The following UBIAD1 variants were observed in gnomAD, a reference collection of about 807,000 sequenced individuals.
The protein encoded by UBIAD1 is ubiA prenyltransferase domain-containing protein 1.
UBIAD1 carries 12 observed loss-of-function variants against 20.1 expected under a neutral mutation model. That is an observed-to-expected ratio of 0.60 (90% CI 0.38 to 0.97). UBIAD1 has a LOEUF of 0.97. UBIAD1 is among the 50% of genes least tolerant of loss of function. The pLI, the probability that UBIAD1 is intolerant of heterozygous loss-of-function variation, is 0.00. For missense variants in UBIAD1, 333 were observed against 419.5 expected (o/e 0.79, Z 1.80); for synonymous variants, 207 against 189.2 (o/e 1.09, Z -0.77).
chr1:11,273,428 G>A lies in UBIAD1; in HGVS notation c.-104G>A, dbSNP rs559993089. ...ACCAGCCCTGTCCTGGGGCGGAACC[G>A]AAGGAAGGTCGGGCCCTGCTGCCCC... On this transcript the variant is annotated 5_prime_UTR_variant, in exon 1 of 2. Transcript: ENST00000376810. The surrounding 1 kb of genome is among the most constrained non-coding windows in gnomAD (Gnocchi z 4.9). 1,248 of 1,463,946 alleles carry A rather than the reference G, an allele frequency of 8.5e-4. 2 individuals carry two copies. Among genetic ancestry groups the A allele is most frequent in the Non-Finnish European group, 1.1e-3 (1,198 of 1,063,558 alleles). The allele number at this position is 1,463,946 out of a possible 1,614,324, so 90.7% of individuals were successfully genotyped here.
In UBIAD1 at chr1:11,273,808, G is replaced by A. The variant is rs759234615; in HGVS notation, c.277G>A (p.Ala93Thr). ...GGTGGGTTGTGCCGTGGCTGTCCTG[G>A]CTGTGCACGGGGCCGGTAATTTGGT... is the stretch of plus-strand genomic sequence containing the variant. ...LLVGCAVAVL[A>T]VHGAGNLVNT... Residue 93 changes from alanine (A) to threonine (T), a missense_variant, in exon 1 of 2, where the codon GCT becomes ACT. Transcript: ENST00000376810. The surrounding 1 kb of genome is among the most constrained non-coding windows in gnomAD (Gnocchi z 4.9). 1.2e-5 allele frequency: 19 copies of A among 1,614,016 alleles called. No individual in the cohort carries two copies. The highest frequency in any genetic ancestry group is 1.0e-4 in the Admixed American group (6 of 59,992).
rs766752858 is a variant in UBIAD1 at position 11,285,629 on chromosome 1, AT to A, written c.530-11del. 1 of 1,613,990 alleles carries A rather than the reference AT, an allele frequency of 6.2e-7. No individual in the cohort carries two copies. The highest frequency in any genetic ancestry group is 2.2e-5 in the East Asian group (1 of 44,882). On this transcript the variant is annotated splice_polypyrimidine_tract_variant and intron_variant, in intron 1 of 1. Transcript: ENST00000376810. The surrounding 1 kb of genome is among the most constrained non-coding windows in gnomAD (Gnocchi z 4.4). ...CCTTGGTCTCACACCAACTCTCTGG[AT>A]TTTCTGGCCGCAGGAATTGGATTCA...
downstream of UBIAD1, among the ~76,000 whole-genome samples, chr1:11,290,882 G>C (rs1241267444): frequency 6.9e-6 from 1 of 145,484 alleles, no homozygotes; most frequent in Middle Eastern, 3.2e-3. Context: ...AGAATCTCTT[G>C]AACCCAGGAA....
chr1:11,297,894 C>A (rs1261241722), downstream of UBIAD1, among the ~76,000 whole-genome samples: 1 of 152,148 alleles, frequency 6.6e-6, no homozygotes, highest in Non-Finnish European at 1.5e-5. Flanking sequence ...GGGAAGAAAA[C>A]TGGAAAACAT....
At chr1:11,290,930 T>TGTTGG (rs1347226989), downstream of UBIAD1, among the ~76,000 whole-genome samples, 8,208 of 152,146 alleles carry the variant, frequency 0.054, 729 homozygotes, top group African/African-American at 0.19. Flanking sequence ...GCCACTGCAC[T>TGTTGG]CCAGCCTGGA....
chr1:11,290,533 AG>A, downstream of UBIAD1, among the ~76,000 whole-genome samples: 1 of 152,262 alleles, frequency 6.6e-6, no homozygotes, highest in East Asian at 1.9e-4. Context: ...CCCTACTCAA[AG>A]CATTTCCCTT....
At chr1:11,278,764 A>T in intron 1 of UBIAD1, 1 of 558,698 alleles carries the variant, frequency 1.8e-6, no homozygotes, top group Non-Finnish European at 3.2e-6. Context: ...CCACCATCCC[A>T]CTGGAGTTAT....
chr1:11,297,062 A>G (rs1386301642), downstream of UBIAD1, among the ~76,000 whole-genome samples: 2 of 152,238 alleles, frequency 1.3e-5, no homozygotes, highest in East Asian at 1.9e-4. Context: ...CCCAGAGCTT[A>G]TATGATAGTA....
chr1:11,292,772 G>C (rs1423006186), downstream of UBIAD1, among the ~76,000 whole-genome samples: 1 of 151,664 alleles, frequency 6.6e-6, no homozygotes, highest in African/African-American at 2.4e-5. Flanking sequence ...GCTCCTCTCT[G>C]AGCCCTGCGG....
chr1:11,289,111 G>C (rs548208393), downstream of UBIAD1, among the ~76,000 whole-genome samples: 1 of 152,336 alleles, frequency 6.6e-6, no homozygotes, highest in East Asian at 1.9e-4. Flanking sequence ...TATATCCTAT[G>C]AACAAGGCAG....
downstream of UBIAD1, among the ~76,000 whole-genome samples, chr1:11,289,194 A>C (rs1226403842): frequency 2.6e-5 from 4 of 152,206 alleles, no homozygotes; most frequent in Non-Finnish European, 5.9e-5. Flanking sequence ...GAGAGAGCTA[A>C]CTGATCAGCA....
At position 11,278,521 on chromosome 1, in the gene UBIAD1, C is replaced by T. The variant is rs1258624398; in HGVS notation, c.529+4461C>T. 15 of 637,906 alleles carry T rather than the reference C, an allele frequency of 2.4e-5. No individual in the cohort carries two copies. The East Asian group carries it at 2.5e-4, about 11-fold the overall frequency. The allele number at this position is 637,906 out of a possible 1,614,324, so 39.5% of individuals were successfully genotyped here. Reference sequence around the variant, plus strand: ...TACCAGCCGGAGTTCTTTTATTTAACGTGTGGGTATTTTGCATTGTGATAT... The same window carrying T: ...TACCAGCCGGAGTTCTTTTATTTAATGTGTGGGTATTTTGCATTGTGATAT... On this transcript the variant is annotated intron_variant, in intron 1 of 1. Coordinates refer to ENST00000376810, the MANE Select transcript of UBIAD1 (RefSeq NM_013319.3).
chr1:11,273,439 G>C lies in UBIAD1; in HGVS notation c.-93G>C. 6.6e-7 allele frequency: 1 copy of C among 1,518,074 alleles called. No homozygotes were observed. The highest frequency in any genetic ancestry group is 9.0e-7 in the Non-Finnish European group (1 of 1,108,232). 94.0% of individuals were successfully genotyped at this position (1,518,074 alleles called of 1,614,324 possible). ...CCTGGGGCGGAACCGAAGGAAGGTC[G>C]GGCCCTGCTGCCCCGCCCCGTCCTT... On this transcript the variant is annotated 5_prime_UTR_variant, in exon 1 of 2. Transcript: ENST00000376810. The surrounding 1 kb of genome is among the most constrained non-coding windows in gnomAD (Gnocchi z 4.9).
chr1:11,281,314 CAT>C (rs1004190026), intron 1 of UBIAD1, among the ~76,000 whole-genome samples: 2 of 152,138 alleles, frequency 1.3e-5, no homozygotes, highest in African/African-American at 4.8e-5. Context: ...CCTCATAGCA[CAT>C]GTTACCTTCT....
chr1:11,297,769 C>G (rs188481921), downstream of UBIAD1, among the ~76,000 whole-genome samples: 1 of 152,138 alleles, frequency 6.6e-6, no homozygotes, highest in Admixed American at 6.5e-5. Context: ...GATGGAGAGA[C>G]AGGTGGTCTT....
At chr1:11,283,836 G>A (rs1221802684) in intron 1 of UBIAD1, among the ~76,000 whole-genome samples, 2 of 152,162 alleles carry the variant, frequency 1.3e-5, no homozygotes, top group Non-Finnish European at 2.9e-5. Context: ...TCCACATCTT[G>A]TAGCTTGGTT....
At chr1:11,291,543 ATTGCAG>A (rs1275718623), downstream of UBIAD1, among the ~76,000 whole-genome samples, 2 of 147,946 alleles carry the variant, frequency 1.4e-5, no homozygotes, top group African/African-American at 5.0e-5. Context: ...GGAGGCAGAG[ATTGCAG>A]TCAGCTAAGA....
At chr1:11,291,410 C>G (rs1638363344), downstream of UBIAD1, among the ~76,000 whole-genome samples, 1 of 152,004 alleles carries the variant, frequency 6.6e-6, no homozygotes, top group Admixed American at 6.6e-5. Context: ...GAGTTCTAGG[C>G]CAGCCTGGCC....
chr1:11,292,688 C>T (rs983673170), downstream of UBIAD1, among the ~76,000 whole-genome samples: 1 of 151,046 alleles, frequency 6.6e-6, no homozygotes, highest in African/African-American at 2.5e-5. Flanking sequence ...CACACACACA[C>T]ACACACACAC....
Sources: gnomAD v4.1 joint callset for allele counts (sites outside exome capture counted in the v4.1 genomes callset) on GRCh38, gnomAD v4.1.1 for gene constraint, Gnocchi (gnomAD v3.1) non-coding constraint, MANE v1.5 for transcripts, NCBI Gene and HGNC (gene_info 2026-07-23, HGNC 2026-07-21) for gene names.